LARGE1: variants seen among roughly 807,000 people sequenced by gnomAD.
LARGE1 encodes xylosyl- and glucuronyltransferase LARGE1.
A neutral mutation model predicts 87.6 loss-of-function variants in LARGE1; 43 were observed. The observed-to-expected ratio is 0.49, with a 90% CI of 0.38 to 0.63. LARGE1 has a LOEUF of 0.63. Among genes scored for constraint, LARGE1 ranks in the 30% least tolerant of loss-of-function variants. The pLI, the probability that LARGE1 is intolerant of heterozygous loss-of-function variation, is 0.00. For synonymous variants in LARGE1, 434 were observed against 394.6 expected (o/e 1.10, Z -1.18); for missense variants, 802 against 1,000.2 (o/e 0.80, Z 2.67).
chr22:33,133,785 C>G, the LARGE1 span, among the ~76,000 whole-genome samples: 3 of 151,936 alleles, frequency 2.0e-5, no homozygotes, highest in Non-Finnish European at 2.9e-5. Flanking sequence ...AACTAATTTA[C>G]ACTCCCACCA....
intron 12 of LARGE1, among the ~76,000 whole-genome samples, chr22:33,293,656 T>G (rs946021712): frequency 6.6e-6 from 1 of 152,214 alleles, no homozygotes; most frequent in Admixed American, 6.5e-5. Flanking sequence ...CTACGATCTG[T>G]GTACCTATGC....
At chr22:33,770,912 C>T (rs1281393392) in intron 1 of LARGE1, among the ~76,000 whole-genome samples, 2 of 152,268 alleles carry the variant, frequency 1.3e-5, no homozygotes, top group East Asian at 1.9e-4. Context: ...CTCCTCTCCA[C>T]TTACTTCCAT....
chr22:33,284,283 CA>C (rs1569012290), intron 12 of LARGE1, among the ~76,000 whole-genome samples: 1 of 152,210 alleles, frequency 6.6e-6, no homozygotes, highest in Non-Finnish European at 1.5e-5. Context: ...CCAAACTGGG[CA>C]CTTTCAGGTT....
chr22:33,909,957 T>A (rs2065580029), intron 1 of LARGE1, among the ~76,000 whole-genome samples: 1 of 152,202 alleles, frequency 6.6e-6, no homozygotes, highest in Non-Finnish European at 1.5e-5. Flanking sequence ...CCATTCAGAT[T>A]TTAACTGTCT....
intron 5 of LARGE1, among the ~76,000 whole-genome samples, chr22:33,583,200 G>T (rs1341274823): frequency 6.6e-6 from 1 of 151,994 alleles, no homozygotes; most frequent in African/African-American, 2.4e-5. Flanking sequence ...CCACATCCCA[G>T]ATCTACCTTT....
chr22:33,167,913 G>T (rs1036242912), intron 11 of LARGE1, among the ~76,000 whole-genome samples: 61 of 152,116 alleles, frequency 4.0e-4, no homozygotes, highest in African/African-American at 1.4e-3. Context: ...TTGGCACCAG[G>T]ATCTGCATAC....
intron 9 of LARGE1, among the ~76,000 whole-genome samples, chr22:33,363,504 G>A (rs1243271760): frequency 6.7e-6 from 1 of 149,266 alleles, no homozygotes; most frequent in Non-Finnish European, 1.5e-5. Flanking sequence ...TCACCCCCGT[G>A]ATTCAATTAC....
intron 5 of LARGE1, among the ~76,000 whole-genome samples, chr22:33,565,692 G>C (rs1285113376): frequency 6.6e-6 from 1 of 152,216 alleles, no homozygotes; most frequent in East Asian, 1.9e-4. Context: ...TAGTCATCAC[G>C]CGACACTCTT....
intron 11 of LARGE1, among the ~76,000 whole-genome samples, chr22:33,261,497 G>A (rs7285363): frequency 0.011 from 1,697 of 152,032 alleles, 39 homozygotes; most frequent in African/African-American, 0.038. Flanking sequence ...TAATTCAAAC[G>A]TGGCTCTCAG....
At chr22:33,439,165 G>T (rs1420248422) in intron 6 of LARGE1, among the ~76,000 whole-genome samples, 1 of 149,844 alleles carries the variant, frequency 6.7e-6, no homozygotes, top group Non-Finnish European at 1.5e-5. Context: ...AGTGAACCGA[G>T]ACTGCGCCAC....
chr22:33,672,216 CTCTT>C (rs2081437509), intron 2 of LARGE1, among the ~76,000 whole-genome samples: 1 of 152,236 alleles, frequency 6.6e-6, no homozygotes, highest in Non-Finnish European at 1.5e-5. Context: ...GTCTCTCACG[CTCTT>C]TCTTATACTA....
intron 2 of LARGE1, among the ~76,000 whole-genome samples, chr22:33,694,680 A>G (rs370665599): frequency 9.2e-5 from 14 of 152,188 alleles, no homozygotes; most frequent in African/African-American, 2.7e-4. Flanking sequence ...ATTCACATAC[A>G]CATACACATA....
At position 33,865,155 on chromosome 22, in the gene LARGE1, C is replaced by T. The variant is rs530571814; in HGVS notation, c.-83+54840G>A. On this transcript the variant is annotated intron_variant, in intron 1 of 14. Coordinates refer to ENST00000397394, the MANE Select transcript of LARGE1 (RefSeq NM_133642.5). ...AGGACAAGCTCCCTCTGCTTTTGCT[C>T]CATAGCCCCAAGTCTAGCCCAGAAC... Among the ~76,000 whole-genome samples the T allele has an allele frequency of 8.5e-5, 13 of 152,342 alleles. No homozygotes were observed. The South Asian group carries it at 2.5e-3, about 29-fold the overall frequency.
At chr22:33,514,114 A>G (rs1316177973) in intron 6 of LARGE1, among the ~76,000 whole-genome samples, 1 of 152,216 alleles carries the variant, frequency 6.6e-6, no homozygotes, top group Non-Finnish European at 1.5e-5. Flanking sequence ...TGATGTTTGC[A>G]CAATGATGCA....
intron 11 of LARGE1, among the ~76,000 whole-genome samples, chr22:33,236,187 T>G (rs1602130255): frequency 6.6e-6 from 1 of 152,210 alleles, no homozygotes; most frequent in East Asian, 1.9e-4. Flanking sequence ...CCTCCAGAAC[T>G]GTGAGAGCAC....
intron 1 of LARGE1, among the ~76,000 whole-genome samples, chr22:33,900,515 T>C (rs2065255335): frequency 6.6e-6 from 1 of 152,188 alleles, no homozygotes; most frequent in Admixed American, 6.5e-5. Context: ...CATTAACTTG[T>C]GTTTGATCCT....
chr22:33,694,818 G>GA (rs1397759213), intron 2 of LARGE1, among the ~76,000 whole-genome samples: 2 of 152,184 alleles, frequency 1.3e-5, no homozygotes, highest in African/African-American at 4.8e-5. Flanking sequence ...TTATCTAAAA[G>GA]ATGACTAGTG....
At chr22:33,307,170 C>T (rs12160591) in intron 11 of LARGE1, among the ~76,000 whole-genome samples, 3,680 of 152,238 alleles carry the variant, frequency 0.024, 74 homozygotes, top group Middle Eastern at 0.082. Context: ...CCCCCTTTAC[C>T]TGCTGCTTGT....
At chr22:33,621,052 G>A (rs1405093081) in intron 4 of LARGE1, among the ~76,000 whole-genome samples, 2 of 152,172 alleles carry the variant, frequency 1.3e-5, no homozygotes, top group South Asian at 2.1e-4. Flanking sequence ...ATATAGGCAT[G>A]TGTGTGTATA....
Sources: gnomAD v4.1 joint callset for allele counts (sites outside exome capture counted in the v4.1 genomes callset) on GRCh38, gnomAD v4.1.1 for gene constraint, MANE v1.5 for transcripts, NCBI Gene and HGNC (gene_info 2026-07-23, HGNC 2026-07-21) for gene names.